Variants in TANC2 observed in about 807,000 individuals in gnomAD.
The protein encoded by TANC2 is protein TANC2.
TANC2 carries 26 observed loss-of-function variants against 210.5 expected under a neutral mutation model. The observed-to-expected ratio is 0.12, with a 90% confidence interval of 0.09 to 0.17. The LOEUF (loss-of-function observed/expected upper bound fraction) is 0.17. TANC2 is among the 10% of genes least tolerant of loss of function. The probability of loss-of-function intolerance (pLI) is 1.00; values close to 1 mark genes in which losing one functional copy is unlikely to be tolerated. For synonymous variants in TANC2, 931 were observed against 967.1 expected (o/e 0.96, Z 0.69); for missense variants, 2,129 against 2,608.9 (o/e 0.82, Z 4.01).
intron 9 of TANC2, among the ~76,000 whole-genome samples, chr17:63,294,356 G>GT (rs2044471148): frequency 6.6e-6 from 1 of 152,042 alleles, no homozygotes; most frequent in Admixed American, 6.6e-5. Flanking sequence ...ATGTGCCTGT[G>GT]TCCCAGCTAC....
chr17:63,346,799 G>T (rs1320121507), intron 12 of TANC2, among the ~76,000 whole-genome samples: 6 of 151,992 alleles, frequency 3.9e-5, no homozygotes, highest in African/African-American at 1.5e-4. Flanking sequence ...CGACCCCCTC[G>T]GCTCAAGCAA....
chr17:63,268,752 G>C (rs144214756), intron 9 of TANC2, among the ~76,000 whole-genome samples: 217 of 152,168 alleles, frequency 1.4e-3, no homozygotes, highest in African/African-American at 5.0e-3. Flanking sequence ...TACCTTCTTT[G>C]TGGCATGCTA....
chr17:63,285,818 T>C (rs1405843737), intron 9 of TANC2, among the ~76,000 whole-genome samples: 1 of 152,100 alleles, frequency 6.6e-6, no homozygotes, highest in Non-Finnish European at 1.5e-5. Flanking sequence ...GCCTAACACA[T>C]ACCAAAATTC....
At chr17:63,407,017 G>A (rs1483266064) in intron 21 of TANC2, among the ~76,000 whole-genome samples, 1 of 152,218 alleles carries the variant, frequency 6.6e-6, no homozygotes, top group African/African-American at 2.4e-5. Context: ...GCAAATGTCG[G>A]TAATTACATC....
intron 5 of TANC2, among the ~76,000 whole-genome samples, chr17:63,171,778 T>A (rs1242492064): frequency 6.6e-6 from 1 of 152,238 alleles, no homozygotes; most frequent in East Asian, 1.9e-4. Context: ...TATCTACATA[T>A]TAAAGACTTA....
intron 12 of TANC2, among the ~76,000 whole-genome samples, chr17:63,349,578 C>T (rs922648229): frequency 6.6e-6 from 1 of 152,150 alleles, no homozygotes; most frequent in African/African-American, 2.4e-5. Context: ...ATATTCCCAC[C>T]ATACACAATT....
chr17:62,973,851 A>T (rs2031849370), intron 1 of TANC2, among the ~76,000 whole-genome samples: 1 of 152,230 alleles, frequency 6.6e-6, no homozygotes, highest in African/African-American at 2.4e-5. Context: ...GAGGAATGAT[A>T]CTTCATGACA....
chr17:63,241,135 A>G (rs757422845), intron 8 of TANC2, among the ~76,000 whole-genome samples: 1 of 152,286 alleles, frequency 6.6e-6, no homozygotes, highest in Non-Finnish European at 1.5e-5. Flanking sequence ...CATAGGAGAG[A>G]TTACCCAGAA....
At chr17:63,136,088 T>A (rs896876004) in intron 4 of TANC2, among the ~76,000 whole-genome samples, 3 of 152,234 alleles carry the variant, frequency 2.0e-5, no homozygotes, top group African/African-American at 7.2e-5. Context: ...CATAGTAATT[T>A]GCCTATTTCC....
rs1226844668 is a variant in TANC2, at chr17:63,139,468, A to T, written c.323-11802A>T. The stretch of plus-strand genomic sequence containing the variant: ...TGACAAAACCTCATCTCTACTAAAA[A>T]TACAAAAAAATTAATCGGGCTTGGT... On this transcript the variant is annotated intron_variant, in intron 4 of 27. Coordinates refer to ENST00000689528, the Ensembl canonical transcript of TANC2. 3.3e-5 allele frequency among the ~76,000 whole-genome samples: 5 copies of T among 152,192 alleles called. No individual in the cohort carries two copies. In the East Asian group the frequency reaches 9.6e-4, roughly 29 times the overall value.
At chr17:63,100,972 A>G (rs1419104035) in intron 4 of TANC2, among the ~76,000 whole-genome samples, 2 of 152,190 alleles carry the variant, frequency 1.3e-5, no homozygotes, top group African/African-American at 4.8e-5. Context: ...ACTGAAGACT[A>G]TCAAAGGCCT....
chr17:63,129,854 G>A (rs1204797041), intron 4 of TANC2, among the ~76,000 whole-genome samples: 2 of 152,014 alleles, frequency 1.3e-5, no homozygotes, highest in Admixed American at 6.6e-5. Context: ...TATGCTCATA[G>A]ACATTCAAAA....
chr17:63,355,448 G>A, intron 14 of TANC2, 58 bp downstream of exon 14: 3 of 1,456,506 alleles, frequency 2.1e-6, no homozygotes, highest in Non-Finnish European at 2.7e-6. Flanking sequence ...ATTGCATGGA[G>A]TGTGAGTATT....
chr17:63,222,128 C>G (rs777550681), intron 7 of TANC2, among the ~76,000 whole-genome samples: 20 of 152,170 alleles, frequency 1.3e-4, no homozygotes, highest in Non-Finnish European at 1.5e-5. Flanking sequence ...CTTCCTGTTT[C>G]GTAGACAGCA....
intron 14 of TANC2, among the ~76,000 whole-genome samples, chr17:63,362,685 C>T (rs903764029): frequency 2.0e-5 from 3 of 152,242 alleles, no homozygotes; most frequent in Admixed American, 6.5e-5. Context: ...CTGGCCGGGT[C>T]ACAACAGTGC....
chr17:63,109,220 G>A (rs945302642), intron 4 of TANC2, among the ~76,000 whole-genome samples: 1 of 151,548 alleles, frequency 6.6e-6, no homozygotes, highest in African/African-American at 2.4e-5. Context: ...AGTTAAAAGG[G>A]AAAATGAATA....
Position 63,105,290 on chromosome 17 carries a change from C to T in TANC2, c.322+5933C>T, listed in dbSNP as rs999364946. On this transcript the variant is annotated intron_variant, in intron 4 of 27. Transcript: ENST00000689528. ...TCCAATTTGGATGGTAAATAAGTCA[C>T]AATAACTGATTTGATCATGCTGAGC... Among the ~76,000 whole-genome samples the T allele has an allele frequency of 4.6e-5, 7 of 151,630 alleles. 1 individual carries two copies. Among genetic ancestry groups the T allele is most frequent in the African/African-American group, 1.7e-4 (7 of 40,978 alleles).
chr17:63,175,393 G>A (rs1360218538), intron 5 of TANC2, among the ~76,000 whole-genome samples: 1 of 151,998 alleles, frequency 6.6e-6, no homozygotes, highest in Non-Finnish European at 1.5e-5. Flanking sequence ...CAGGTGCAGT[G>A]CTGTGTGCCT....
chr17:62,973,107 G>A (rs998795212), intron 1 of TANC2, among the ~76,000 whole-genome samples: 4 of 151,110 alleles, frequency 2.6e-5, no homozygotes, highest in African/African-American at 9.8e-5. Context: ...TTGACTCACT[G>A]CAACTTCTGT....
Sources: allele counts gnomAD v4.1 joint callset (sites outside exome capture counted in the v4.1 genomes callset), GRCh38; gene constraint gnomAD v4.1.1; transcripts MANE v1.5; gene names NCBI Gene and HGNC (gene_info 2026-07-23, HGNC 2026-07-21).